LAMTOR4: variants seen among roughly 807,000 people sequenced by gnomAD.
The protein encoded by LAMTOR4 is late endosomal/lysosomal adaptor, MAPK and MTOR activator 4.
Under a neutral mutation model 13.5 loss-of-function variants are expected in LAMTOR4, and 11 were observed. That is an observed-to-expected ratio of 0.82 (90% CI 0.51 to 1.35). The LOEUF is 1.35. Among genes scored for constraint, LAMTOR4 ranks in the 40% most tolerant of loss-of-function variants. The probability of loss-of-function intolerance (pLI) is 0.00; values close to 1 mark genes in which losing one functional copy is unlikely to be tolerated. For missense variants in LAMTOR4, 128 were observed against 126.2 expected, an observed-to-expected ratio of 1.01 and a Z score of -0.07; for synonymous variants, 69 against 52.3, an observed-to-expected ratio of 1.32 and a Z score of -1.38.
At chr7:100,149,118 G>A in intron 1 of LAMTOR4, 143 bp downstream of exon 1, 1 of 1,085,418 alleles carries the variant, frequency 9.2e-7, no homozygotes, top group Non-Finnish European at 1.3e-6. Context: ...GAAATGGGAG[G>A]GATGGCGACG....
intron 1 of LAMTOR4, 83 bp downstream of exon 1, chr7:100,149,058 G>A (rs1798615127): frequency 1.4e-5 from 22 of 1,527,580 alleles, no homozygotes; most frequent in Non-Finnish European, 1.9e-5. Context: ...CCCCTGGTGG[G>A]CCTGCGCTCC....
chr7:100,151,879 A>AT (rs1430251886), intron 2 of LAMTOR4, among the ~76,000 whole-genome samples: 1 of 149,600 alleles, frequency 6.7e-6, no homozygotes, highest in East Asian at 2.0e-4. Context: ...AAAAAAAAAA[A>AT]ATGTGTGGAG....
At chr7:100,150,762 G>C (rs1798674545) in intron 2 of LAMTOR4, among the ~76,000 whole-genome samples, 1 of 151,978 alleles carries the variant, frequency 6.6e-6, no homozygotes, top group African/African-American at 2.4e-5. Flanking sequence ...AAGGCGGGCG[G>C]ATCACGAGGT....
chr7:100,150,962 C>T (rs1232413366), intron 2 of LAMTOR4, among the ~76,000 whole-genome samples: 1 of 148,230 alleles, frequency 6.7e-6, no homozygotes, highest in African/African-American at 2.5e-5. Flanking sequence ...GTACTCCAGC[C>T]TGGGCGACAG....
At chr7:100,150,979 A>C (rs1554397638) in intron 2 of LAMTOR4, among the ~76,000 whole-genome samples, 1 of 146,888 alleles carries the variant, frequency 6.8e-6, no homozygotes, top group Non-Finnish European at 1.5e-5. Flanking sequence ...ACAGAGCAAG[A>C]CTCCGTCTCA....
Position 100,149,586 on chromosome 7 carries a change from T to C in LAMTOR4, c.84+7T>C, listed in dbSNP as rs746181536. On this transcript the variant is annotated splice_region_variant and intron_variant, in intron 2 of 3. Coordinates refer to ENST00000341942, the MANE Select transcript of LAMTOR4 (RefSeq NM_001008395.4). ...TGAAGGTGCAGTGCTGGCGGTGCGTTCTGGGAAAGGGAGGGGGTCCCTTAG... is the reference window on the plus strand; with the variant it reads ...TGAAGGTGCAGTGCTGGCGGTGCGTCCTGGGAAAGGGAGGGGGTCCCTTAG... 1.4e-5 allele frequency: 22 copies of C among 1,612,324 alleles called. No homozygotes were observed. The highest frequency in any genetic ancestry group is 1.6e-5 in the Non-Finnish European group (19 of 1,178,628).
chr7:100,153,151 A>G (rs1441175272), intron 2 of LAMTOR4, among the ~76,000 whole-genome samples: 2 of 130,202 alleles, frequency 1.5e-5, no homozygotes, highest in Admixed American at 1.6e-4. Context: ...CTCAAAAAAG[A>G]AAAAAAAAAA....
intron 2 of LAMTOR4, among the ~76,000 whole-genome samples, chr7:100,151,891 C>G (rs1293945433): frequency 6.7e-6 from 1 of 150,358 alleles, no homozygotes; most frequent in Non-Finnish European, 1.5e-5. Flanking sequence ...TGTGTGGAGA[C>G]AGGGGCCTTG....
At chr7:100,153,308 C>A in intron 2 of LAMTOR4, 92 bp from the exon 3 acceptor site, 1 of 887,662 alleles carries the variant, frequency 1.1e-6, no homozygotes, top group South Asian at 1.5e-5. Context: ...GGGAGAGGGT[C>A]TAAGTGTGAG....
At chr7:100,149,226 C>T (rs753223668) in intron 1 of LAMTOR4, 122 of 598,276 alleles carry the variant, frequency 2.0e-4, no homozygotes, top group Non-Finnish European at 3.2e-4. Flanking sequence ...GGTCTGGGGG[C>T]AGGGGCCAGT....
chr7:100,149,553 G>T lies in LAMTOR4; in HGVS notation c.58G>T (p.Val20Leu). ...AATCCCAGACCAGCTCGGCTACCTG[G>T]TACTGAGTGAAGGTGCAGTGCTGGC... ...ERIPDQLGYL[V>L]LSEGAVLASS... The change falls in exon 2 of 4, where the codon GTA (valine) becomes TTA (leucine). Residue 20 changes from valine (V) to leucine (L), a missense_variant. Coordinates refer to ENST00000341942, the MANE Select transcript of LAMTOR4 (RefSeq NM_001008395.4). 6.2e-7 allele frequency: 1 copy of T among 1,614,016 alleles called. No homozygotes were observed.
chr7:100,153,280 G>A, intron 2 of LAMTOR4, 120 bp from the exon 3 acceptor site: 1 of 713,960 alleles, frequency 1.4e-6, no homozygotes, highest in South Asian at 1.7e-5. Flanking sequence ...CAAAGCTGAG[G>A]GTACTGGCAA....
At chr7:100,149,187 C>A (rs1365476783) in intron 1 of LAMTOR4, 2 of 642,938 alleles carry the variant, frequency 3.1e-6, no homozygotes, top group Non-Finnish European at 5.3e-6. Context: ...GTCTGCAGGT[C>A]GGGCGGAGAC....
chr7:100,149,353 G>C (rs767159702), intron 1 of LAMTOR4, 146 bp from the exon 2 acceptor site: 91 of 699,352 alleles, frequency 1.3e-4, no homozygotes, highest in African/African-American at 2.5e-4. Flanking sequence ...GACCATGTAG[G>C]GGGGAGGGGG....
intron 1 of LAMTOR4, 55 bp downstream of exon 1, chr7:100,149,030 C>T (rs578085446): frequency 1.9e-6 from 3 of 1,589,920 alleles, no homozygotes; most frequent in African/African-American, 2.7e-5. Context: ...GTCTCTGCTC[C>T]CCAGTCTGTG....
At chr7:100,151,046 CA>C (rs1278645786) in intron 2 of LAMTOR4, among the ~76,000 whole-genome samples, 1 of 150,568 alleles carries the variant, frequency 6.6e-6, no homozygotes, top group African/African-American at 2.4e-5. Flanking sequence ...GAAGGAGGAG[CA>C]AGGAGAGAAG....
intron 2 of LAMTOR4, chr7:100,149,918 G>T (rs1798648170): frequency 1.6e-5 from 3 of 188,630 alleles, no homozygotes; most frequent in South Asian, 1.9e-4. Context: ...TGGGATTATA[G>T]GCACGTGCCA....
chr7:100,149,221 G>A, intron 1 of LAMTOR4: 2 of 612,186 alleles, frequency 3.3e-6, no homozygotes, highest in Non-Finnish European at 2.9e-6. Context: ...GAGAGGGTCT[G>A]GGGGCAGGGG....
At position 100,153,528 on chromosome 7, in the gene LAMTOR4, GC is replaced by G. The variant is rs1210256042; in HGVS notation, c.202+15del. 4 of 1,602,824 alleles carry G rather than the reference GC, an allele frequency of 2.5e-6. No individual in the cohort carries two copies. Among genetic ancestry groups the G allele is most frequent in the Non-Finnish European group, 3.4e-6 (4 of 1,177,828 alleles). Reference sequence around the variant, plus strand: ...TCAAGCGCCTGTCTGGTGAGCCCCTGCCCCTGCCCTTGGTGGTGGTACTGGG... The same window carrying G: ...TCAAGCGCCTGTCTGGTGAGCCCCTGCCCTGCCCTTGGTGGTGGTACTGGG... On this transcript the variant is annotated intron_variant, in intron 3 of 3. Transcript: ENST00000341942.
Sources: allele counts gnomAD v4.1 joint callset (sites outside exome capture counted in the v4.1 genomes callset), GRCh38; gene constraint gnomAD v4.1.1; transcripts MANE v1.5; gene names NCBI Gene and HGNC (gene_info 2026-07-23, HGNC 2026-07-21).